DNAJC1: variants seen among roughly 807,000 people sequenced by gnomAD.
DNAJC1 encodes dnaJ homolog subfamily C member 1.
DNAJC1 carries 58 observed loss-of-function variants against 76.6 expected under a neutral mutation model. That is an observed-to-expected ratio of 0.76 (90% CI 0.61 to 0.94). The LOEUF (loss-of-function observed/expected upper bound fraction) is 0.94, where lower values mean the gene tolerates loss of function less well. Among genes scored for constraint, DNAJC1 ranks in the 40% least tolerant of loss-of-function variants. The pLI, the probability that DNAJC1 is intolerant of heterozygous loss-of-function variation, is 0.00. For synonymous variants in DNAJC1, 258 were observed against 267.9 expected (o/e 0.96, Z 0.36); for missense variants, 689 against 677.3 (o/e 1.02, Z -0.19).
chr10:21,826,800 T>C (rs1835264921), intron 8 of DNAJC1, among the ~76,000 whole-genome samples: 1 of 152,242 alleles, frequency 6.6e-6, no homozygotes, highest in African/African-American at 2.4e-5. Context: ...TTGTTGAACA[T>C]GTTTGACCAT....
intron 1 of DNAJC1, among the ~76,000 whole-genome samples, chr10:21,980,742 C>T (rs1296391521): frequency 6.6e-6 from 1 of 151,998 alleles, no homozygotes; most frequent in Admixed American, 6.6e-5. Flanking sequence ...ATTATTTTTG[C>T]CACCTTTTGT....
At chr10:21,797,735 T>G (rs1834765108) in intron 9 of DNAJC1, among the ~76,000 whole-genome samples, 1 of 152,208 alleles carries the variant, frequency 6.6e-6, no homozygotes, top group Non-Finnish European at 1.5e-5. Flanking sequence ...CTTTTTCCCT[T>G]GTATGTTGTG....
chr10:21,978,975 T>A (rs922633291), intron 1 of DNAJC1, among the ~76,000 whole-genome samples: 2 of 152,082 alleles, frequency 1.3e-5, no homozygotes, highest in Admixed American at 1.3e-4. Context: ...ATGACTTTTT[T>A]AATTTGAATG....
chr10:21,916,257 A>T (rs1244492552), intron 6 of DNAJC1, among the ~76,000 whole-genome samples: 6 of 152,172 alleles, frequency 3.9e-5, no homozygotes, highest in Non-Finnish European at 8.8e-5. Flanking sequence ...ACTTTGGCTG[A>T]GGTGGGCGGA....
intron 1 of DNAJC1, among the ~76,000 whole-genome samples, chr10:21,964,602 A>G (rs531077067): frequency 6.6e-6 from 1 of 151,852 alleles, no homozygotes; most frequent in African/African-American, 2.4e-5. Flanking sequence ...ATATATTATT[A>G]TATTTATTCA....
chr10:21,890,792 C>T (rs1046995995), intron 7 of DNAJC1, among the ~76,000 whole-genome samples: 2 of 152,124 alleles, frequency 1.3e-5, no homozygotes, highest in African/African-American at 2.4e-5. Flanking sequence ...CATAATACCC[C>T]TAAATGTCCA....
At chr10:21,871,398 A>T (rs1836102901) in intron 8 of DNAJC1, among the ~76,000 whole-genome samples, 4 of 151,954 alleles carry the variant, frequency 2.6e-5, no homozygotes, top group Admixed American at 6.5e-5. Context: ...AGCCCAAGGT[A>T]AAGATGGAAA....
intron 1 of DNAJC1, among the ~76,000 whole-genome samples, chr10:21,989,743 C>G (rs1251400697): frequency 6.6e-6 from 1 of 152,172 alleles, no homozygotes; most frequent in Non-Finnish European, 1.5e-5. Context: ...GGCTTGGTAT[C>G]TGGATCTGCA....
rs146729130 is a variant in DNAJC1, at chr10:21,977,298, T to C, written c.222+25915A>G. On this transcript the variant is annotated intron_variant, in intron 1 of 11. Transcript: ENST00000376980. ...CACAAAATGACTATGCAAGTAAACT[T>C]TTATTATGTAGCTAAAAGCTGCAAT... Among the ~76,000 whole-genome samples, 404 of 152,130 alleles carry C rather than the reference T, an allele frequency of 2.7e-3. 3 individuals are homozygous for C. The highest frequency in any genetic ancestry group is 0.01 in the Middle Eastern group (3 of 294).
chr10:21,928,698 CTA>C, intron 2 of DNAJC1, 146 bp from the exon 3 acceptor site: 4 of 635,808 alleles, frequency 6.3e-6, no homozygotes, highest in Non-Finnish European at 1.1e-5. Flanking sequence ...ATAAGTAACA[CTA>C]TGTTTTGGTA....
At chr10:21,886,382 C>T (rs1349940815) in intron 7 of DNAJC1, among the ~76,000 whole-genome samples, 2 of 152,122 alleles carry the variant, frequency 1.3e-5, no homozygotes, top group Admixed American at 1.3e-4. Flanking sequence ...GATGGATTCA[C>T]AGCTGAATTC....
At chr10:21,759,797 A>G (rs565074880) in intron 10 of DNAJC1, among the ~76,000 whole-genome samples, 179 bp from the exon 11 acceptor site, 1 of 152,342 alleles carries the variant, frequency 6.6e-6, no homozygotes, top group South Asian at 2.1e-4. Flanking sequence ...AATGTTACAG[A>G]TGAGAAAAAG....
chr10:21,950,902 T>C (rs1310740808), intron 1 of DNAJC1, among the ~76,000 whole-genome samples: 1 of 152,138 alleles, frequency 6.6e-6, no homozygotes, highest in African/African-American at 2.4e-5. Flanking sequence ...AGTTGGAAGC[T>C]AGCAGAAGTT....
chr10:21,908,691 T>A (rs980334909), intron 6 of DNAJC1, among the ~76,000 whole-genome samples: 1 of 152,042 alleles, frequency 6.6e-6, no homozygotes, highest in African/African-American at 2.4e-5. Context: ...AAATATTTAA[T>A]GAATAATTAA....
In DNAJC1 at chr10:21,919,895, T is replaced by A. The variant is rs1179311332; in HGVS notation, c.572A>T (p.Lys191Ile). The change falls in exon 5 of 12, where the codon AAA (lysine) becomes ATA (isoleucine). Residue 191 changes from lysine (K) to isoleucine (I), a missense_variant. Coordinates refer to ENST00000376980, the MANE Select transcript of DNAJC1 (RefSeq NM_022365.4). ...CACACTCTTGCTGCCAGTCTTTTTT[T>A]TCTTTTCTCTCTTTTTTCTACTTAG... ...ELLSRKKREK[K>I]KKTGSKSVDV... 6.2e-7 allele frequency: 1 copy of A among 1,608,072 alleles called. No individual in the cohort carries two copies. The highest frequency in any genetic ancestry group is 1.7e-5 in the Admixed American group (1 of 59,198).
intron 9 of DNAJC1, among the ~76,000 whole-genome samples, chr10:21,772,839 C>G (rs1834403861): frequency 6.6e-6 from 1 of 152,104 alleles, no homozygotes; most frequent in Admixed American, 6.6e-5. Flanking sequence ...GTTTCACAAG[C>G]TGTACAGGAA....
chr10:22,003,217 T>C lies in DNAJC1; in HGVS notation c.218A>G (p.Gln73Arg). 1 of 1,554,480 alleles carries C rather than the reference T, an allele frequency of 6.4e-7. No individual in the cohort carries two copies. Among genetic ancestry groups the C allele is most frequent in the East Asian group, 2.6e-5 (1 of 38,512 alleles). The part of the protein sequence containing the change: ...QLNFYQFLGV[Q>R]QDASSADIRK... ...CCCGCGCGCCTCCTTGCTTACCTGCTGCACCCCGAGGAACTGGTAGAAGTT... is the reference window on the plus strand; with the variant it reads ...CCCGCGCGCCTCCTTGCTTACCTGCCGCACCCCGAGGAACTGGTAGAAGTT... The change falls in exon 1 of 12, where the codon CAG becomes CGG. Residue 73 changes from glutamine to arginine, a missense_variant. By Grantham distance (43) the Gln-to-Arg change is conservative. Transcript: ENST00000376980.
chr10:21,864,917 T>C (rs1399660619), intron 8 of DNAJC1, among the ~76,000 whole-genome samples: 2 of 152,084 alleles, frequency 1.3e-5, no homozygotes, highest in Non-Finnish European at 2.9e-5. Context: ...CAGTGCTGAA[T>C]GGACATTTCA....
intron 8 of DNAJC1, among the ~76,000 whole-genome samples, chr10:21,811,226 C>T (rs1291861904): frequency 6.6e-6 from 1 of 152,214 alleles, no homozygotes. Flanking sequence ...ATTGGGTAAA[C>T]TGAAGGCAAC....
Sources: gnomAD v4.1 joint callset for allele counts (sites outside exome capture counted in the v4.1 genomes callset) on GRCh38, gnomAD v4.1.1 for gene constraint, MANE v1.5 for transcripts, NCBI Gene and HGNC (gene_info 2026-07-23, HGNC 2026-07-21) for gene names.